Variants in DPYS observed in about 807,000 individuals in gnomAD.
The protein encoded by DPYS is dihydropyrimidine amidohydrolase.
In DPYS, 39 loss-of-function variants were observed where a neutral mutation model predicts 50.3. The ratio of observed to expected loss-of-function variants is 0.78; its 90% CI spans 0.60 to 1.01. The LOEUF is 1.01. Ranked by LOEUF, DPYS falls within the 50% of genes least tolerant of loss-of-function variation. The pLI, the probability that DPYS is intolerant of heterozygous loss-of-function variation, is 0.00. For synonymous variants in DPYS, 245 were observed against 250.7 expected, an observed-to-expected ratio of 0.98 and a Z score of 0.22; for missense variants, 659 against 680.9, an observed-to-expected ratio of 0.97 and a Z score of 0.36.
intron 4 of DPYS, among the ~76,000 whole-genome samples, chr8:104,435,074 C>T (rs1813089983): frequency 6.6e-6 from 1 of 152,094 alleles, no homozygotes; most frequent in African/African-American, 2.4e-5. Flanking sequence ...CTGGGAAGTA[C>T]AAAGGTGAAG....
chr8:104,433,634 CA>C (rs923302951), intron 4 of DPYS, among the ~76,000 whole-genome samples: 1 of 151,210 alleles, frequency 6.6e-6, no homozygotes. Flanking sequence ...ACTCTTTTTC[CA>C]AAAAAAAGAG....
rs1335481968 is a variant in DPYS at position 104,449,325 on chromosome 8, C to G, written c.424-1822G>C. On this transcript the variant is annotated intron_variant, in intron 2 of 9. Transcript: ENST00000351513. ...GCTTACATGAAATATCTTTTGCTCC[C>G]TGAGTAGAAGAGCCCTCATTAATCA... Among the ~76,000 whole-genome samples, 6 of 152,210 alleles carry G rather than the reference C, an allele frequency of 3.9e-5. No individual in the cohort carries two copies. In the South Asian group the frequency reaches 1.0e-3, roughly 26 times the overall value.
chr8:104,444,215 T>C lies in DPYS; in HGVS notation c.793+33A>G, dbSNP rs779841840. 6 of 1,612,560 alleles carry C rather than the reference T, an allele frequency of 3.7e-6. No homozygotes were observed. In the South Asian group the frequency reaches 4.4e-5, roughly 12 times the overall value. The stretch of plus-strand genomic sequence containing the variant: ...GTGGACTTTTCTCTTCAGCTAACAC[T>C]GAGTTCTAAGTGAGGTTACATTCGA... On this transcript the variant is annotated intron_variant, in intron 4 of 9. Coordinates refer to ENST00000351513, the MANE Select transcript of DPYS (RefSeq NM_001385.3).
intron 8 of DPYS, among the ~76,000 whole-genome samples, chr8:104,390,736 C>A (rs1811360637): frequency 6.6e-6 from 1 of 152,000 alleles, no homozygotes; most frequent in African/African-American, 2.4e-5. Context: ...TGAGCTCAGG[C>A]AATCTGTTTG....
chr8:104,450,151 A>AGGG (rs1564110738), intron 2 of DPYS, among the ~76,000 whole-genome samples: 6 of 133,552 alleles, frequency 4.5e-5, no homozygotes, highest in South Asian at 2.4e-4. Flanking sequence ...AGAAAGAAGG[A>AGGG]AGGGAGGAAG....
chr8:104,429,397 T>C, intron 5 of DPYS, 148 bp downstream of exon 5: 1 of 887,040 alleles, frequency 1.1e-6, no homozygotes, highest in Non-Finnish European at 1.8e-6. Flanking sequence ...TGTTTTTTGC[T>C]CTGCAGGTGA....
In DPYS at chr8:104,424,407, G is replaced by A; in HGVS notation, c.1093-18C>T. 6.2e-7 allele frequency: 1 copy of A among 1,612,440 alleles called. No individual in the cohort carries two copies. The highest frequency in any genetic ancestry group is 8.5e-7 in the Non-Finnish European group (1 of 1,179,558). Reference sequence around the variant, plus strand: ...CCACTATGCTGTAAAGCAATTCAAAGAATCATTCTAATGATCAAATACTAA... The same window carrying A: ...CCACTATGCTGTAAAGCAATTCAAAAAATCATTCTAATGATCAAATACTAA... On this transcript the variant is annotated intron_variant, in intron 6 of 9. Coordinates refer to ENST00000351513, the MANE Select transcript of DPYS (RefSeq NM_001385.3).
chr8:104,382,117 A>G (rs1811072370), intron 8 of DPYS, among the ~76,000 whole-genome samples: 1 of 152,192 alleles, frequency 6.6e-6, no homozygotes, highest in Non-Finnish European at 1.5e-5. Flanking sequence ...GAATTTCCAG[A>G]GCCAAAGCAT....
intron 2 of DPYS, 47 bp downstream of exon 2, chr8:104,451,199 T>C: frequency 1.9e-6 from 3 of 1,611,738 alleles, no homozygotes; most frequent in Non-Finnish European, 2.5e-6. Context: ...TTGTGCAGAG[T>C]GAGGACAAGA....
At chr8:104,383,560 G>C (rs1811123621) in intron 8 of DPYS, among the ~76,000 whole-genome samples, 1 of 151,340 alleles carries the variant, frequency 6.6e-6, no homozygotes, top group African/African-American at 2.4e-5. Flanking sequence ...TTTCTGTCAG[G>C]CTCTTTTGTT....
intron 7 of DPYS, among the ~76,000 whole-genome samples, chr8:104,402,084 T>C (rs1003734740): frequency 6.6e-6 from 1 of 152,192 alleles, no homozygotes. Flanking sequence ...ATTTTGTCCT[T>C]GGAGGTATGT....
At chr8:104,445,643 C>T (rs1468672339) in intron 3 of DPYS, among the ~76,000 whole-genome samples, 4 of 147,726 alleles carry the variant, frequency 2.7e-5, no homozygotes, top group Non-Finnish European at 3.0e-5. Context: ...GGAGGGATGG[C>T]GGTGGGGAGA....
At chr8:104,456,483 C>T (rs1813930099) in intron 1 of DPYS, among the ~76,000 whole-genome samples, 1 of 152,190 alleles carries the variant, frequency 6.6e-6, no homozygotes, top group African/African-American at 2.4e-5. Context: ...AGGAAAGAGA[C>T]AGGAGAGGAA....
At chr8:104,442,378 G>A (rs1346725103) in intron 4 of DPYS, among the ~76,000 whole-genome samples, 1 of 152,166 alleles carries the variant, frequency 6.6e-6, no homozygotes, top group Non-Finnish European at 1.5e-5. Context: ...TTGAAGGTGG[G>A]TTAGAAGTGA....
intron 7 of DPYS, among the ~76,000 whole-genome samples, chr8:104,406,588 T>A (rs1044825043): frequency 2.6e-5 from 4 of 152,186 alleles, no homozygotes; most frequent in Non-Finnish European, 5.9e-5. Context: ...TCTTCATCTT[T>A]CCCTGTGGGG....
intron 2 of DPYS, among the ~76,000 whole-genome samples, chr8:104,450,803 T>C (rs1813711768): frequency 6.6e-6 from 1 of 152,222 alleles, no homozygotes; most frequent in East Asian, 1.9e-4. Flanking sequence ...AGGCTTCTAG[T>C]TCTAGAGAAT....
chr8:104,437,381 C>T (rs1204953387), intron 4 of DPYS, among the ~76,000 whole-genome samples: 1 of 152,126 alleles, frequency 6.6e-6, no homozygotes, highest in East Asian at 1.9e-4. Context: ...CCCACCAAAA[C>T]CAAAATGACA....
intron 8 of DPYS, 87 bp from the exon 9 acceptor site, chr8:104,381,401 T>C (rs1811032180): frequency 1.6e-6 from 2 of 1,226,740 alleles, no homozygotes; most frequent in African/African-American, 1.5e-5. Flanking sequence ...TTGCGAGAGC[T>C]TTAAAAAAAG....
chr8:104,429,815 T>G, intron 4 of DPYS, 114 bp from the exon 5 acceptor site: 1 of 1,313,208 alleles, frequency 7.6e-7, no homozygotes, highest in Non-Finnish European at 1.1e-6. Context: ...ATCTACAGTT[T>G]AGCAGAATCC....
Sources: gnomAD v4.1 joint callset for allele counts (sites outside exome capture counted in the v4.1 genomes callset) on GRCh38, gnomAD v4.1.1 for gene constraint, MANE v1.5 for transcripts, NCBI Gene and HGNC (gene_info 2026-07-23, HGNC 2026-07-21) for gene names.